Variants in NLGN1 observed in about 807,000 individuals in gnomAD.
The protein encoded by NLGN1 is neuroligin 1.
NLGN1 carries 12 observed loss-of-function variants against 65.5 expected under a neutral mutation model. That is an observed-to-expected ratio of 0.18 (90% confidence interval 0.12 to 0.30). NLGN1 has a LOEUF of 0.30. Ranked by LOEUF, NLGN1 falls within the 10% of genes least tolerant of loss-of-function variation. The probability of loss-of-function intolerance (pLI) is 1.00; values close to 1 mark genes in which losing one functional copy is unlikely to be tolerated. For synonymous variants in NLGN1, 350 were observed against 359.5 expected, an observed-to-expected ratio of 0.97 and a Z score of 0.30; for missense variants, 750 against 1,007.1, an observed-to-expected ratio of 0.74 and a Z score of 3.46.
At chr3:173,731,713 A>G (rs1772880362) in intron 3 of NLGN1, among the ~76,000 whole-genome samples, 1 of 152,070 alleles carries the variant, frequency 6.6e-6, no homozygotes, top group African/African-American at 2.4e-5. Context: ...AGAAAAATAC[A>G]AATTCTGTTT....
chr3:173,510,377 T>TTCCCA (rs1291047000), intron 2 of NLGN1, among the ~76,000 whole-genome samples: 2 of 152,160 alleles, frequency 1.3e-5, no homozygotes, highest in African/African-American at 4.8e-5. Flanking sequence ...CACTTAGTAA[T>TTCCCA]ATGGATTTCC....
At chr3:173,481,306 G>C (rs1727237801) in intron 2 of NLGN1, among the ~76,000 whole-genome samples, 1 of 151,778 alleles carries the variant, frequency 6.6e-6, no homozygotes, top group South Asian at 2.1e-4. Context: ...ATTATTTTCT[G>C]ACTAATATAA....
chr3:173,417,800 T>C (rs1714095658), intron 1 of NLGN1, among the ~76,000 whole-genome samples: 1 of 151,968 alleles, frequency 6.6e-6, no homozygotes, highest in Admixed American at 6.6e-5. Context: ...CAATATGAAA[T>C]ATTAAATTAA....
At position 173,714,612 on chromosome 3, in the gene NLGN1, A is replaced by G. The variant is rs565743028; in HGVS notation, c.494-93068A>G. ...GCAGCAAGTTAAGGGGAACCCATTT[A>G]TTTTAGAGAATGAACTATGCCTTTC... On this transcript the variant is annotated intron_variant, in intron 3 of 6. Transcript: ENST00000457714. Among the ~76,000 whole-genome samples the G allele has an allele frequency of 1.2e-4, 18 of 152,208 alleles. No homozygotes were observed. In the South Asian group the frequency reaches 3.5e-3, roughly 30 times the overall value.
chr3:174,264,881 T>C (rs1747715993), intron 4 of NLGN1, among the ~76,000 whole-genome samples: 1 of 151,934 alleles, frequency 6.6e-6, no homozygotes, highest in East Asian at 1.9e-4. Flanking sequence ...TCCTTTCTGT[T>C]TGTTAGTTTT....
intron 2 of NLGN1, among the ~76,000 whole-genome samples, chr3:173,487,012 A>G (rs1728279777): frequency 6.6e-6 from 1 of 151,680 alleles, no homozygotes; most frequent in Non-Finnish European, 1.5e-5. Flanking sequence ...ACTAATATGT[A>G]TGTTTCATTA....
intron 3 of NLGN1, among the ~76,000 whole-genome samples, chr3:173,712,736 A>G (rs1769181990): frequency 6.6e-6 from 1 of 152,186 alleles, no homozygotes; most frequent in South Asian, 2.1e-4. Flanking sequence ...TGAAGATTAA[A>G]CAAAATCCTT....
At chr3:173,913,185 A>G (rs778567307) in intron 4 of NLGN1, among the ~76,000 whole-genome samples, 3 of 152,186 alleles carry the variant, frequency 2.0e-5, no homozygotes, top group African/African-American at 4.8e-5. Flanking sequence ...AAAAACATTT[A>G]TAAGAAAGAA....
chr3:173,674,825 A>G (rs185351639), intron 3 of NLGN1, among the ~76,000 whole-genome samples: 2 of 152,218 alleles, frequency 1.3e-5, no homozygotes, highest in Admixed American at 1.3e-4. Context: ...ACATAGGTTT[A>G]TAAACTTGGA....
intron 3 of NLGN1, among the ~76,000 whole-genome samples, chr3:173,623,276 G>A (rs1254119338): frequency 3.9e-5 from 6 of 151,982 alleles, no homozygotes; most frequent in Non-Finnish European, 8.8e-5. Context: ...ACTGTGTCAA[G>A]GAGTTCAGTC....
chr3:173,439,756 G>A (rs1371526338), intron 2 of NLGN1, among the ~76,000 whole-genome samples: 1 of 151,960 alleles, frequency 6.6e-6, no homozygotes, highest in Non-Finnish European at 1.5e-5. Context: ...AATACTTAAA[G>A]CTAAAATGCT....
At chr3:173,823,927 A>C (rs1238088616) in intron 4 of NLGN1, among the ~76,000 whole-genome samples, 1 of 151,514 alleles carries the variant, frequency 6.6e-6, no homozygotes, top group African/African-American at 2.4e-5. Context: ...TTTAAAAAAA[A>C]AAAACAAATC....
intron 3 of NLGN1, among the ~76,000 whole-genome samples, chr3:173,680,794 T>C (rs764558164): frequency 7.2e-5 from 11 of 152,176 alleles, no homozygotes; most frequent in Non-Finnish European, 1.5e-4. Context: ...ATATACAATA[T>C]TTATTTGTTT....
chr3:173,784,142 C>G (rs1294109901), intron 3 of NLGN1, among the ~76,000 whole-genome samples: 1 of 152,108 alleles, frequency 6.6e-6, no homozygotes, highest in African/African-American at 2.4e-5. Flanking sequence ...AATTTTCACA[C>G]CAGTTGACAA....
At chr3:173,633,150 G>A (rs1002300295) in intron 3 of NLGN1, among the ~76,000 whole-genome samples, 1 of 152,082 alleles carries the variant, frequency 6.6e-6, no homozygotes, top group Admixed American at 6.6e-5. Flanking sequence ...ACTTTGTAGA[G>A]TTCTGAGCCA....
chr3:173,858,626 C>G (rs1728483625), intron 4 of NLGN1, among the ~76,000 whole-genome samples: 1 of 152,002 alleles, frequency 6.6e-6, no homozygotes, highest in Non-Finnish European at 1.5e-5. Flanking sequence ...ACTTTAATAT[C>G]AAAAGGAGTC....
chr3:173,774,021 A>G (rs1779951580), intron 3 of NLGN1, among the ~76,000 whole-genome samples: 1 of 152,210 alleles, frequency 6.6e-6, no homozygotes, highest in African/African-American at 2.4e-5. Flanking sequence ...AGAAACAGAA[A>G]GGACAGTGTT....
chr3:173,611,167 T>C (rs1184318233), intron 3 of NLGN1, among the ~76,000 whole-genome samples: 1 of 152,044 alleles, frequency 6.6e-6, no homozygotes, highest in African/African-American at 2.4e-5. Flanking sequence ...TGATGTGTAA[T>C]GTTAAGGAAA....
intron 3 of NLGN1, among the ~76,000 whole-genome samples, chr3:173,777,948 TAAAC>T (rs1323589496): frequency 6.6e-6 from 1 of 151,898 alleles, no homozygotes; most frequent in Non-Finnish European, 1.5e-5. Context: ...ATCATTGTAT[TAAAC>T]AATCAATACT....
Sources: gnomAD v4.1 joint callset for allele counts (sites outside exome capture counted in the v4.1 genomes callset) on GRCh38, gnomAD v4.1.1 for gene constraint, MANE v1.5 for transcripts, NCBI Gene and HGNC (gene_info 2026-07-23, HGNC 2026-07-21) for gene names.